LRTM3: variants seen among roughly 807,000 people sequenced by gnomAD.
LRTM3 encodes the protein leucine-rich repeat transmembrane protein 3.
At chr13:102,747,735 T>C in the LRTM3 span, 17 of 1,551,024 alleles carry the variant, frequency 1.1e-5, no homozygotes, top group Non-Finnish European at 1.5e-5. Flanking sequence ...CTATCTGTGC[T>C]TTGCTTCACC....
the LRTM3 span, chr13:102,739,179 T>C: frequency 6.5e-7 from 1 of 1,549,864 alleles, no homozygotes; most frequent in Non-Finnish European, 8.7e-7. Context: ...TCTTCCTGCG[T>C]CATTTTCTCT....
At chr13:102,742,650 C>G in the LRTM3 span, 4 of 1,550,544 alleles carry the variant, frequency 2.6e-6, no homozygotes, top group African/African-American at 5.5e-5. Flanking sequence ...CTTACAACAG[C>G]ATAACCTGCA....
the LRTM3 span, chr13:102,737,641 C>G: frequency 1.3e-6 from 2 of 1,550,572 alleles, no homozygotes; most frequent in Non-Finnish European, 1.7e-6. Flanking sequence ...CTTCTGGATG[C>G]ATTAAGTCTT....
the LRTM3 span, chr13:102,749,532 C>G: frequency 2.6e-6 from 4 of 1,551,312 alleles, no homozygotes; most frequent in Admixed American, 7.8e-5. Flanking sequence ...AAGTGTTCAT[C>G]AGACTCCAGG....
the LRTM3 span, chr13:102,732,129 A>C: frequency 1.3e-6 from 2 of 1,551,358 alleles, no homozygotes; most frequent in Non-Finnish European, 1.7e-6. Flanking sequence ...ACAATTGTTA[A>C]AGTGTCTCTC....
chr13:102,743,152 C>T, the LRTM3 span: 1 of 1,550,548 alleles, frequency 6.4e-7, no homozygotes, highest in Non-Finnish European at 8.7e-7. Flanking sequence ...GTTCTTGCTT[C>T]TCTTCCCCAC....
the LRTM3 span, chr13:102,731,955 G>T: frequency 6.4e-7 from 1 of 1,551,184 alleles, no homozygotes; most frequent in South Asian, 1.2e-5. Context: ...TCATGCTCTG[G>T]AACAATCCGT....
chr13:102,746,652 T>A, the LRTM3 span: 4 of 1,551,256 alleles, frequency 2.6e-6, no homozygotes, highest in South Asian at 3.6e-5. Flanking sequence ...CTCTTTTTCA[T>A]CACTTTAGAA....
chr13:102,743,772 T>C, the LRTM3 span: 2 of 1,550,464 alleles, frequency 1.3e-6, no homozygotes, highest in Non-Finnish European at 1.7e-6. Context: ...ATTTTATGTA[T>C]CTGTGAAATT....
the LRTM3 span, chr13:102,737,251 A>G: frequency 1.9e-6 from 3 of 1,550,990 alleles, no homozygotes; most frequent in Non-Finnish European, 2.6e-6. Flanking sequence ...CCACCCCAAA[A>G]GACTTTGTAT....
the LRTM3 span, chr13:102,748,621 T>G: frequency 1.3e-6 from 2 of 1,550,654 alleles, no homozygotes; most frequent in Non-Finnish European, 1.7e-6. Context: ...TTGATATAGC[T>G]TCTTCTAAAG....
the LRTM3 span, chr13:102,734,510 A>G: frequency 3.2e-6 from 5 of 1,551,230 alleles, no homozygotes; most frequent in East Asian, 2.4e-5. Context: ...TGTTCTGTGG[A>G]GCATACAGGA....
the LRTM3 span, chr13:102,738,072 C>G: frequency 6.4e-7 from 1 of 1,550,462 alleles, no homozygotes; most frequent in Non-Finnish European, 8.7e-7. Flanking sequence ...TCCTCACCTT[C>G]TCTGTCCTCT....
the LRTM3 span, chr13:102,748,081 C>A: frequency 1.3e-6 from 2 of 1,550,982 alleles, no homozygotes; most frequent in Non-Finnish European, 1.7e-6. Context: ...AATGACTGAG[C>A]CTTATTATTC....
chr13:102,759,004 A>C, the LRTM3 span: 4 of 888,854 alleles, frequency 4.5e-6, no homozygotes, highest in African/African-American at 6.8e-5. Context: ...TGAAATATAA[A>C]ACCTCGGTAT....
chr13:102,735,766 C>T, the LRTM3 span: 20 of 1,545,108 alleles, frequency 1.3e-5, no homozygotes, highest in East Asian at 4.7e-4. Context: ...AATCCTGAAT[C>T]TTTAGTGGTG....
At chr13:102,731,094 G>T in the LRTM3 span, 12 of 1,551,298 alleles carry the variant, frequency 7.7e-6, no homozygotes, top group African/African-American at 1.5e-4. Context: ...AGGGTATGAG[G>T]CAATAGCATC....
At chr13:102,755,940 TAC>T in the LRTM3 span, among the ~76,000 whole-genome samples, 33,719 of 66,422 alleles carry the variant, frequency 0.51, 4,639 homozygotes, top group Middle Eastern at 0.57. Flanking sequence ...TGTATATATA[TAC>T]ATATATATAT....
At chr13:102,741,840 G>C in the LRTM3 span, 1 of 1,550,262 alleles carries the variant, frequency 6.5e-7, no homozygotes, top group Non-Finnish European at 8.7e-7. Flanking sequence ...GTTCTAATTC[G>C]TGGGGCATCG....
Sources: gnomAD v4.1 joint callset for allele counts (sites outside exome capture counted in the v4.1 genomes callset) on GRCh38, gnomAD v4.1.1 for gene constraint, MANE v1.5 for transcripts, NCBI Gene and HGNC (gene_info 2026-07-23, HGNC 2026-07-21) for gene names.